TBC1D16: variants seen among roughly 807,000 people sequenced by gnomAD.
TBC1D16 encodes the protein CTD-2529O21.1.
In TBC1D16, 58 loss-of-function variants were observed where a neutral mutation model predicts 74.7. The observed-to-expected ratio is 0.78, with a 90% CI of 0.63 to 0.97. The LOEUF (loss-of-function observed/expected upper bound fraction) is 0.97. Among genes scored for constraint, TBC1D16 ranks in the 50% least tolerant of loss-of-function variants. TBC1D16 has a pLI of 0.00. For synonymous variants in TBC1D16, 493 were observed against 474.7 expected, an observed-to-expected ratio of 1.04 and a Z score of -0.50; for missense variants, 1,014 against 1,079.5, an observed-to-expected ratio of 0.94 and a Z score of 0.85.
chr17:80,023,430 C>T (rs1452578697), intron 1 of TBC1D16, among the ~76,000 whole-genome samples: 1 of 150,026 alleles, frequency 6.7e-6, no homozygotes, highest in Non-Finnish European at 1.5e-5. Context: ...AGCCACAGTT[C>T]CCCATGAGCC....
At chr17:79,945,712 T>A (rs1568571765) in intron 9 of TBC1D16, among the ~76,000 whole-genome samples, 1 of 152,238 alleles carries the variant, frequency 6.6e-6, no homozygotes, top group Non-Finnish European at 1.5e-5. Context: ...AGCCATGCGC[T>A]GCCATGAGCC....
intron 2 of TBC1D16, among the ~76,000 whole-genome samples, chr17:80,011,046 TTTC>T (rs1308386266): frequency 1.3e-5 from 2 of 152,118 alleles, no homozygotes; most frequent in South Asian, 4.2e-4. Flanking sequence ...TTTGGGTTTG[TTTC>T]TTTTTTCTTT....
At position 79,956,964 on chromosome 17, in the gene TBC1D16, C is replaced by T. The variant is rs961038156; in HGVS notation, c.780-4146G>A. Among the ~76,000 whole-genome samples the T allele has an allele frequency of 2.0e-5, 3 of 152,156 alleles. No homozygotes were observed. The highest frequency in any genetic ancestry group is 6.5e-5 in the Admixed American group (1 of 15,288). On this transcript the variant is annotated intron_variant, in intron 3 of 11. Transcript: ENST00000310924. The surrounding 1 kb of genome is among the most constrained non-coding windows in gnomAD (Gnocchi z 4.0). ...TGTGCGGTGGCTCCTGGGTCCAGGA[C>T]TCTTGCCTAGATAGAAACTGGCACT...
chr17:79,983,467 T>C lies in TBC1D16; in HGVS notation c.779+26693A>G, dbSNP rs889576762. On this transcript the variant is annotated intron_variant, in intron 3 of 11. Coordinates refer to ENST00000310924, the MANE Select transcript of TBC1D16 (RefSeq NM_019020.4). The surrounding 1 kb of genome is among the most constrained non-coding windows in gnomAD (Gnocchi z 5.6). Reference sequence around the variant, plus strand: ...AACCACATGGTCATCAACAGGAGTGTGGACAACCTGGGGAACAGCCATGGA... The same window carrying C: ...AACCACATGGTCATCAACAGGAGTGCGGACAACCTGGGGAACAGCCATGGA... Among the ~76,000 whole-genome samples, 14 of 152,120 alleles carry C rather than the reference T, an allele frequency of 9.2e-5. No individual in the cohort carries two copies. The highest frequency in any genetic ancestry group is 3.4e-4 in the African/African-American group (14 of 41,420).
Position 79,940,809 on chromosome 17 carries a change from G to A in TBC1D16, c.*50C>T, listed in dbSNP as rs765262608. On this transcript the variant is annotated 3_prime_UTR_variant, in exon 12 of 12. Transcript: ENST00000310924. This position sits in a 1 kb window ranked among gnomAD's most constrained non-coding sequence, Gnocchi z 5.4. ...CCAGCCCCACCCCCTCCCGTGCCCA[G>A]GGCCTCTGAGGAGGTCCCCTCAACC... 1 of 1,462,136 alleles carries A rather than the reference G, an allele frequency of 6.8e-7. No homozygotes were observed. The highest frequency in any genetic ancestry group is 9.1e-7 in the Non-Finnish European group (1 of 1,100,290). 90.6% of individuals were successfully genotyped at this position (1,462,136 alleles called of 1,614,324 possible).
chr17:80,025,171 A>G (rs2036530584), intron 1 of TBC1D16, among the ~76,000 whole-genome samples: 1 of 147,330 alleles, frequency 6.8e-6, no homozygotes, highest in Non-Finnish European at 1.5e-5. Context: ...CACACACCAT[A>G]GACACACACA....
chr17:80,024,586 C>CACACACCACACACCACAGACAT (rs2036464876), intron 1 of TBC1D16, among the ~76,000 whole-genome samples: 1 of 19,664 alleles, frequency 5.1e-5, no homozygotes, highest in African/African-American at 1.5e-4. Flanking sequence ...GCACACACAC[C>CACACACCACACACCACAGACAT]ACACACCACA....
rs1252716978 is a variant in TBC1D16 at position 79,979,881 on chromosome 17, C to A, written c.780-27063G>T. Among the ~76,000 whole-genome samples the A allele has an allele frequency of 6.6e-6, 1 of 152,060 alleles. No individual in the cohort carries two copies. Among genetic ancestry groups the A allele is most frequent in the African/African-American group, 2.4e-5 (1 of 41,402 alleles). On this transcript the variant is annotated intron_variant, in intron 3 of 11. Transcript: ENST00000310924. The surrounding 1 kb of genome is among the most constrained non-coding windows in gnomAD (Gnocchi z 4.8). ...CCTTGCTATGGGTGGGCTCTGGCTT[C>A]CAGGTGGTGGGCTCTGCGGGCCAGA...
At chr17:80,014,000 AAC>A (rs200638515) in intron 1 of TBC1D16, among the ~76,000 whole-genome samples, 1,995 of 152,210 alleles carry the variant, frequency 0.013, 20 homozygotes, top group South Asian at 0.042. Flanking sequence ...CACAAAAAAA[AAC>A]GTTTTCTTTT....
chr17:80,011,825 CAAAA>C (rs57521904), intron 2 of TBC1D16, among the ~76,000 whole-genome samples: 1 of 110,648 alleles, frequency 9.0e-6, no homozygotes, highest in Admixed American at 9.8e-5. Flanking sequence ...GACTCCGTCT[CAAAA>C]AAAAAAAAAA....
rs1223707284 is a variant in TBC1D16, at chr17:79,981,742, T to C, written c.779+28418A>G. On this transcript the variant is annotated intron_variant, in intron 3 of 11. Transcript: ENST00000310924. This position sits in a 1 kb window ranked among gnomAD's most constrained non-coding sequence, Gnocchi z 6.9. The stretch of plus-strand genomic sequence containing the variant: ...CGGAGCGGCTCCCTCGGCTCTTCTG[T>C]AATCTCAGCAAGAACGTGCTCACTG... Among the ~76,000 whole-genome samples the C allele has an allele frequency of 6.6e-6, 1 of 152,160 alleles. No homozygotes were observed. The highest frequency in any genetic ancestry group is 1.9e-4 in the East Asian group (1 of 5,188).
In TBC1D16 at chr17:80,009,514, G is replaced by C. The variant is rs1261182860; in HGVS notation, c.779+646C>G. On this transcript the variant is annotated intron_variant, in intron 3 of 11. Coordinates refer to ENST00000310924, the MANE Select transcript of TBC1D16 (RefSeq NM_019020.4). This position sits in a 1 kb window ranked among gnomAD's most constrained non-coding sequence, Gnocchi z 5.4. ...ACTCTAGCTCCTGCAAGTGTGGCCA[G>C]CAAGGAGTCCAGATACTCTGGCTGG... Among the ~76,000 whole-genome samples, 1 of 152,240 alleles carries C rather than the reference G, an allele frequency of 6.6e-6. No individual in the cohort carries two copies. The highest frequency in any genetic ancestry group is 1.5e-5 in the Non-Finnish European group (1 of 68,040).
chr17:79,940,709 A>T lies in TBC1D16; in HGVS notation c.*150T>A. The T allele has an allele frequency of 1.1e-6, 1 of 942,692 alleles. No homozygotes were observed. The highest frequency in any genetic ancestry group is 1.5e-6 in the Non-Finnish European group (1 of 685,736). The allele number at this position is 942,692 out of a possible 1,614,324, so 58.4% of individuals were successfully genotyped here. A position where few individuals can be genotyped will look rare whatever the true frequency, so the allele number is the denominator to read the frequency against. Reference sequence around the variant, plus strand: ...ACTTCCAGACTCTAATTTTGTCATTAATATGAAAAGGTTCCTCTCATGTTG... The same window carrying T: ...ACTTCCAGACTCTAATTTTGTCATTTATATGAAAAGGTTCCTCTCATGTTG... On this transcript the variant is annotated 3_prime_UTR_variant, in exon 12 of 12. Transcript: ENST00000310924. The surrounding 1 kb of genome is among the most constrained non-coding windows in gnomAD (Gnocchi z 5.4).
chr17:79,938,553 T>C lies in TBC1D16; in HGVS notation c.*2306A>G, dbSNP rs2031765244. On this transcript the variant is annotated 3_prime_UTR_variant, in exon 12 of 12. Transcript: ENST00000310924. ...CAAAGGCACGAGGTATCTAGTGAAATGCTAGGACCAGGGACGCTATTCCCC... is the reference window on the plus strand; with the variant it reads ...CAAAGGCACGAGGTATCTAGTGAAACGCTAGGACCAGGGACGCTATTCCCC... 1 of 152,208 alleles carries C rather than the reference T, an allele frequency of 6.6e-6. No individual in the cohort carries two copies. The highest frequency in any genetic ancestry group is 2.4e-5 in the African/African-American group (1 of 41,388). The allele number at this position is 152,208 out of a possible 1,614,324, so 9.4% of individuals were successfully genotyped here. A position where few individuals can be genotyped will look rare whatever the true frequency, so the allele number is the denominator to read the frequency against.
Position 80,010,362 on chromosome 17 carries a change from GCGGACTGACCGT to G in TBC1D16, c.565_576del (p.Thr189_Pro192del). 1 of 1,612,264 alleles carries G rather than the reference GCGGACTGACCGT, an allele frequency of 6.2e-7. No homozygotes were observed. The highest frequency in any genetic ancestry group is 8.5e-7 in the Non-Finnish European group (1 of 1,179,348). On this transcript the variant is annotated inframe_deletion, in exon 3 of 12. Transcript: ENST00000310924. This position sits in a 1 kb window ranked among gnomAD's most constrained non-coding sequence, Gnocchi z 8.8. ...TCCCGCCCCTCCTCGGTGACATCCT[GCGGACTGACCGT>G]CGACAAGATCCCGGAGGGGCTGCAA...
In TBC1D16 at chr17:79,985,381, C is replaced by T. The variant is rs1475309636; in HGVS notation, c.779+24779G>A. Among the ~76,000 whole-genome samples, 4 of 152,198 alleles carry T rather than the reference C, an allele frequency of 2.6e-5. No individual in the cohort carries two copies. The highest frequency in any genetic ancestry group is 1.9e-4 in the East Asian group (1 of 5,200). ...GAGGTTCTGAGTGGCCATGAATTTG[C>T]GGGGAAGGGAGTCACTATCCAGGCC... On this transcript the variant is annotated intron_variant, in intron 3 of 11. Coordinates refer to ENST00000310924, the MANE Select transcript of TBC1D16 (RefSeq NM_019020.4). This position sits in a 1 kb window ranked among gnomAD's most constrained non-coding sequence, Gnocchi z 4.9.
intron 9 of TBC1D16, among the ~76,000 whole-genome samples, chr17:79,945,940 C>T (rs1274566912): frequency 1.3e-5 from 2 of 152,260 alleles, no homozygotes; most frequent in African/African-American, 2.4e-5. Flanking sequence ...CGGGAGACTG[C>T]GCTGAAGCTG....
chr17:79,944,720 G>A lies in TBC1D16; in HGVS notation c.1908+188C>T, dbSNP rs919249002. ...GCGGGCAATTTGCATCGATTTCAGTGACTGGGGAGGCGAGCTGTAAGGTCT... is the reference window on the plus strand; with the variant it reads ...GCGGGCAATTTGCATCGATTTCAGTAACTGGGGAGGCGAGCTGTAAGGTCT... On this transcript the variant is annotated intron_variant, in intron 10 of 11. Coordinates refer to ENST00000310924, the MANE Select transcript of TBC1D16 (RefSeq NM_019020.4). The surrounding 1 kb of genome is among the most constrained non-coding windows in gnomAD (Gnocchi z 7.7). Among the ~76,000 whole-genome samples, 9 of 152,210 alleles carry A rather than the reference G, an allele frequency of 5.9e-5. No homozygotes were observed. Among genetic ancestry groups the A allele is most frequent in the Non-Finnish European group, 1.2e-4 (8 of 68,036 alleles).
At chr17:80,011,908 T>C (rs1033079493) in intron 2 of TBC1D16, among the ~76,000 whole-genome samples, 3 of 152,128 alleles carry the variant, frequency 2.0e-5, no homozygotes, top group East Asian at 3.8e-4. Context: ...ATTTTTTTAA[T>C]GCAGATTGTT....
Sources: allele counts gnomAD v4.1 joint callset (sites outside exome capture counted in the v4.1 genomes callset), GRCh38; gene constraint gnomAD v4.1.1; non-coding constraint Gnocchi (gnomAD v3.1); transcripts MANE v1.5; gene names NCBI Gene and HGNC (gene_info 2026-07-23, HGNC 2026-07-21).